Variants in GSE1 observed in about 807,000 individuals in gnomAD.
GSE1 encodes genetic suppressor element 1.
A neutral mutation model predicts 112.6 loss-of-function variants in GSE1; 32 were observed. That is an observed-to-expected ratio of 0.28 (90% CI 0.21 to 0.38). The LOEUF is 0.38. Among genes scored for constraint, GSE1 ranks in the 10% least tolerant of loss-of-function variants. The probability of loss-of-function intolerance (pLI) is 1.00; values close to 1 mark genes in which losing one functional copy is unlikely to be tolerated. For synonymous variants in GSE1, 1,115 were observed against 735.6 expected (o/e 1.52, Z -8.35); for missense variants, 2,348 against 1,699.2 (o/e 1.38, Z -6.71).
At chr16:85,360,396 G>T (rs1301614899) in intron 2 of GSE1, among the ~76,000 whole-genome samples, 1 of 152,270 alleles carries the variant, frequency 6.6e-6, no homozygotes, top group South Asian at 2.1e-4. Context: ...CAGGGCCGGG[G>T]CACGAACCTG....
At chr16:85,266,821 G>C (rs1327490828) in intron 1 of GSE1, among the ~76,000 whole-genome samples, 3 of 152,154 alleles carry the variant, frequency 2.0e-5, no homozygotes, top group Non-Finnish European at 4.4e-5. Flanking sequence ...GTGTGTTGAG[G>C]CCTGAGAGGC....
rs1182502599 is a variant in GSE1 at position 85,666,298 on chromosome 16, C to T, written c.3081C>T (p.Phe1027=). The change falls in exon 13 of 16, where the codon TTC becomes TTT. Residue 1027 remains phenylalanine, a synonymous_variant. Transcript: ENST00000253458. Reference sequence around the variant, plus strand: ...TGGCAGAAGAGTTTGCACATCAGTTCCACGAGTCAGTGCTGCAGTCCACCC... The same window carrying T: ...TGGCAGAAGAGTTTGCACATCAGTTTCACGAGTCAGTGCTGCAGTCCACCC... ...PFVAEEFAHQ[F]HESVLQSTQK... 6.2e-7 allele frequency: 1 copy of T among 1,613,884 alleles called. No homozygotes were observed. Among genetic ancestry groups the T allele is most frequent in the Admixed American group, 1.7e-5 (1 of 60,024 alleles).
At chr16:85,639,226 C>G (rs954283471) in intron 2 of GSE1, among the ~76,000 whole-genome samples, 1 of 152,242 alleles carries the variant, frequency 6.6e-6, no homozygotes, top group Non-Finnish European at 1.5e-5. Context: ...TTCGACGCAG[C>G]TGGGCCAGCT....
At chr16:85,506,523 A>G (rs1031421504) in intron 2 of GSE1, among the ~76,000 whole-genome samples, 8 of 152,076 alleles carry the variant, frequency 5.3e-5, no homozygotes, top group African/African-American at 1.9e-4. Context: ...GGGCCCGCTG[A>G]CGATCAGGGG....
At chr16:85,599,446 T>C (rs182474652) in intron 1 of GSE1, among the ~76,000 whole-genome samples, 8 of 152,262 alleles carry the variant, frequency 5.3e-5, no homozygotes, top group Admixed American at 3.9e-4. Context: ...CAATCTGGAA[T>C]GTGGGTGAGG....
At chr16:85,619,569 G>A (rs994713327) in intron 1 of GSE1, among the ~76,000 whole-genome samples, 1 of 152,216 alleles carries the variant, frequency 6.6e-6, no homozygotes, top group South Asian at 2.1e-4. Flanking sequence ...CTTACGTGGT[G>A]TGATCTGTGG....
intron 1 of GSE1, among the ~76,000 whole-genome samples, chr16:85,281,514 C>T (rs1172697243): frequency 6.6e-6 from 1 of 152,158 alleles, no homozygotes; most frequent in Non-Finnish European, 1.5e-5. Context: ...TACCTTGCAT[C>T]GGAGCGCCGT....
At chr16:85,344,496 C>A (rs1317855007) in intron 1 of GSE1, among the ~76,000 whole-genome samples, 1 of 152,198 alleles carries the variant, frequency 6.6e-6, no homozygotes, top group East Asian at 1.9e-4. Flanking sequence ...GTGTAGAGGA[C>A]AGGTGTGCGG....
intron 2 of GSE1, among the ~76,000 whole-genome samples, chr16:85,437,238 C>T (rs1031911084): frequency 3.9e-5 from 6 of 152,142 alleles, no homozygotes; most frequent in African/African-American, 1.4e-4. Flanking sequence ...CTCCTGGGGT[C>T]ACAGAGGCCC....
intron 2 of GSE1, among the ~76,000 whole-genome samples, chr16:85,388,377 T>G (rs2047750532): frequency 2.7e-5 from 1 of 37,518 alleles, no homozygotes. Flanking sequence ...GGCGGGTGGG[T>G]GGATGGATGG....
intron 2 of GSE1, among the ~76,000 whole-genome samples, chr16:85,403,216 G>C (rs2048160401): frequency 6.6e-6 from 1 of 152,178 alleles, no homozygotes; most frequent in Admixed American, 6.5e-5. Context: ...GGGTGCGGGG[G>C]AGGGTAAGAG....
intron 2 of GSE1, among the ~76,000 whole-genome samples, chr16:85,513,845 C>T (rs1357738724): frequency 6.6e-6 from 1 of 152,094 alleles, no homozygotes; most frequent in Non-Finnish European, 1.5e-5. Flanking sequence ...CATCAGAATC[C>T]CCCCGGGGCA....
intron 1 of GSE1, among the ~76,000 whole-genome samples, chr16:85,300,728 T>G (rs1017436730): frequency 5.3e-5 from 8 of 152,198 alleles, no homozygotes; most frequent in Non-Finnish European, 1.0e-4. Flanking sequence ...GCACCAGGCA[T>G]TTTCACCTCC....
intron 1 of GSE1, among the ~76,000 whole-genome samples, chr16:85,618,870 C>T (rs917633920): frequency 6.6e-6 from 1 of 152,176 alleles, no homozygotes; most frequent in African/African-American, 2.4e-5. Flanking sequence ...CACTGTGTTG[C>T]CCAGGGTGGT....
intron 1 of GSE1, among the ~76,000 whole-genome samples, chr16:85,625,609 G>A (rs2049016971): frequency 6.6e-6 from 1 of 152,174 alleles, no homozygotes; most frequent in Non-Finnish European, 1.5e-5. Flanking sequence ...TGCAGAACAC[G>A]GCCTCCTTTG....
chr16:85,384,799 TC>T (rs141126291), intron 2 of GSE1, among the ~76,000 whole-genome samples: 3,898 of 152,206 alleles, frequency 0.026, 133 homozygotes, highest in African/African-American at 0.086. Flanking sequence ...TGGAAACAGG[TC>T]CTCCAGCGCC....
intron 1 of GSE1, among the ~76,000 whole-genome samples, chr16:85,289,427 C>G (rs2045139492): frequency 6.6e-6 from 1 of 152,202 alleles, no homozygotes; most frequent in South Asian, 2.1e-4. Context: ...TGCTTCGTGT[C>G]CCCTAAGTGA....
rs561050409 is a variant in GSE1, at chr16:85,502,044, C to G, written c.2465-131870C>G. Among the ~76,000 whole-genome samples, 18 of 152,154 alleles carry G rather than the reference C, an allele frequency of 1.2e-4. 1 individual carries two copies. The East Asian group carries it at 3.5e-3, about 29-fold the overall frequency. On this transcript the variant is annotated intron_variant, in intron 2 of 2. Transcript: ENST00000637419. ...AGAGCTCTCTCTTGCAGGAAGATCC[C>G]GGGAGGAGGGGAGTGGGTGTCAGGG...
At chr16:85,423,673 A>G (rs12925368) in intron 2 of GSE1, among the ~76,000 whole-genome samples, 55,449 of 150,970 alleles carry the variant, frequency 0.37, 11,021 homozygotes, top group Admixed American at 0.44. Context: ...TGGTGTCCAG[A>G]GTGGGAGTCT....
Sources: gnomAD v4.1 joint callset for allele counts (sites outside exome capture counted in the v4.1 genomes callset) on GRCh38, gnomAD v4.1.1 for gene constraint, MANE v1.5 for transcripts, NCBI Gene and HGNC (gene_info 2026-07-23, HGNC 2026-07-21) for gene names.